ADGRG7: variants seen among roughly 807,000 people sequenced by gnomAD.
ADGRG7 encodes G-protein coupled receptor 128.
In ADGRG7, 82 loss-of-function variants were observed where a neutral mutation model predicts 88.6. That is an observed-to-expected ratio of 0.93 (90% CI 0.77 to 1.11). The LOEUF is 1.11. Ranked by LOEUF, ADGRG7 falls within the 50% of genes most tolerant of loss-of-function variation. ADGRG7 has a pLI of 0.00. For missense variants in ADGRG7, 945 were observed against 953.4 expected (o/e 0.99, Z 0.12); for synonymous variants, 381 against 345.2 (o/e 1.10, Z -1.15).
intron 9 of ADGRG7, 88 bp from the exon 10 acceptor site, chr3:100,646,481 C>T (rs1354281594): frequency 1.0e-6 from 1 of 1,001,336 alleles, no homozygotes; most frequent in Non-Finnish European, 1.5e-6. Context: ...TAATTCATTT[C>T]TCAGATGACT....
At chr3:100,613,936 G>A (rs1707192041) in intron 1 of ADGRG7, among the ~76,000 whole-genome samples, 1 of 152,130 alleles carries the variant, frequency 6.6e-6, no homozygotes. Flanking sequence ...CTAGCTTTGA[G>A]CAAATTATTA....
intron 14 of ADGRG7, among the ~76,000 whole-genome samples, chr3:100,662,727 G>A (rs2094947062): frequency 6.6e-6 from 1 of 151,966 alleles, no homozygotes; most frequent in Admixed American, 6.6e-5. Context: ...GAAAAAAGTT[G>A]CTGCCAAAAA....
intron 15 of ADGRG7, among the ~76,000 whole-genome samples, chr3:100,678,274 T>C (rs1461280754): frequency 6.6e-6 from 1 of 152,104 alleles, no homozygotes; most frequent in Admixed American, 6.5e-5. Context: ...TGCTTAATTC[T>C]TTTTAATTAT....
chr3:100,672,494 G>A (rs9837262), intron 15 of ADGRG7, among the ~76,000 whole-genome samples: 4,980 of 152,168 alleles, frequency 0.033, 275 homozygotes, highest in African/African-American at 0.11. Context: ...CAATCATGTC[G>A]TCTGCAAACA....
At chr3:100,693,711 G>T (rs983234993) in intron 15 of ADGRG7, among the ~76,000 whole-genome samples, 2 of 152,146 alleles carry the variant, frequency 1.3e-5, no homozygotes, top group African/African-American at 4.8e-5. Flanking sequence ...TGGAAAAATA[G>T]TATAGCTCCC....
intron 6 of ADGRG7, among the ~76,000 whole-genome samples, chr3:100,641,340 T>G (rs1435833281): frequency 6.6e-6 from 1 of 151,410 alleles, no homozygotes; most frequent in African/African-American, 2.4e-5. Context: ...ATGGTTATAG[T>G]AATCTGATTA....
chr3:100,668,411 C>A (rs2149034597), intron 14 of ADGRG7, among the ~76,000 whole-genome samples: 1 of 152,278 alleles, frequency 6.6e-6, no homozygotes, highest in South Asian at 2.1e-4. Flanking sequence ...TGAGGGAAGG[C>A]AAATTAATAA....
chr3:100,673,271 G>A (rs13320064), intron 15 of ADGRG7, among the ~76,000 whole-genome samples: 4,963 of 152,004 alleles, frequency 0.033, 271 homozygotes, highest in African/African-American at 0.11. Flanking sequence ...TCAGGGATTC[G>A]ACTTCCTCCT....
intron 1 of ADGRG7, among the ~76,000 whole-genome samples, chr3:100,621,168 C>T (rs746564023): frequency 6.6e-6 from 1 of 152,008 alleles, no homozygotes; most frequent in Non-Finnish European, 1.5e-5. Context: ...CTCTCTATTC[C>T]CCGAGACACA....
At chr3:100,646,217 C>T (rs1454618918) in intron 9 of ADGRG7, 109 bp downstream of exon 9, 10 of 59,016 alleles carry the variant, frequency 1.7e-4, no homozygotes, top group African/African-American at 3.9e-4. Context: ...AATAGGAGGG[C>T]GGGGGGGAGG....
Position 100,620,341 on chromosome 3 carries a change from T to G in ADGRG7, c.116-9257T>G, listed in dbSNP as rs547206157. 7.4e-4 allele frequency among the ~76,000 whole-genome samples: 112 copies of G among 152,318 alleles called. No individual in the cohort carries two copies. In the Middle Eastern group the frequency reaches 0.02, roughly 28 times the overall value. On this transcript the variant is annotated intron_variant, in intron 1 of 15. Transcript: ENST00000273352. ...TATCTCAATAGATGCAGAAAAGGCCTTTGACAAAATTCAACAGCCCTTCAT... is the reference window on the plus strand; with the variant it reads ...TATCTCAATAGATGCAGAAAAGGCCGTTGACAAAATTCAACAGCCCTTCAT...
rs56088926 is a variant in ADGRG7 at position 100,639,010 on chromosome 3, CTG to C, written c.698+1654_698+1655del. On this transcript the variant is annotated intron_variant, in intron 6 of 15. Transcript: ENST00000273352. The stretch of plus-strand genomic sequence containing the variant: ...ATTCCAGGTTTTTTTCCCTCTGTTT[CTG>C]TGTGTGTGTGTGTGTGTGTGTGTGT... 4.6e-3 allele frequency among the ~76,000 whole-genome samples: 681 copies of C among 147,106 alleles called. 5 individuals are homozygous for C. The highest frequency in any genetic ancestry group is 0.016 in the African/African-American group (632 of 39,182).
chr3:100,643,561 A>G lies in ADGRG7; in HGVS notation c.874A>G (p.Ile292Val), dbSNP rs1194076848. The change falls in exon 8 of 16, where the codon ATA (isoleucine) becomes GTA (valine). Residue 292 changes from isoleucine (I) to valine (V), a missense_variant. Transcript: ENST00000273352. Reference sequence around the variant, plus strand: ...TTCTCTAGTTTCTAGTTCAACATTTATACATACAAATGTGGATGGCCTTAA... The same window carrying G: ...TTCTCTAGTTTCTAGTTCAACATTTGTACATACAAATGTGGATGGCCTTAA... ...SSSLVSSSTF[I>V]HTNVDGLNPD... 3.1e-6 allele frequency: 5 copies of G among 1,613,734 alleles called. No individual in the cohort carries two copies. In the South Asian group the frequency reaches 4.4e-5, roughly 14 times the overall value.
At chr3:100,633,144 A>G in intron 3 of ADGRG7, 121 bp from the exon 4 acceptor site, 1 of 452,922 alleles carries the variant, frequency 2.2e-6, no homozygotes, top group Admixed American at 4.4e-5. Context: ...CTGCCTAAAA[A>G]TAATAGGCAA....
At chr3:100,650,737 G>A (rs1181242417) in intron 11 of ADGRG7, among the ~76,000 whole-genome samples, 5 of 152,102 alleles carry the variant, frequency 3.3e-5, no homozygotes, top group Non-Finnish European at 5.9e-5. Context: ...GTAAATAATA[G>A]ATGACTCGTG....
intron 15 of ADGRG7, among the ~76,000 whole-genome samples, chr3:100,672,305 T>C (rs2094959823): frequency 6.6e-6 from 1 of 152,212 alleles, no homozygotes; most frequent in Admixed American, 6.5e-5. Context: ...GATATTTTAT[T>C]CTCTTTGTAC....
At chr3:100,647,551 C>A (rs1707775869) in intron 10 of ADGRG7, among the ~76,000 whole-genome samples, 1 of 152,140 alleles carries the variant, frequency 6.6e-6, no homozygotes, top group South Asian at 2.1e-4. Flanking sequence ...TTCCTTAATT[C>A]TTTTACCTCT....
chr3:100,694,738 C>G lies in ADGRG7; in HGVS notation c.2137-6C>G. ...ACCCAACATTAAACTTTTGTTCTAT[C>G]TGCAGGGATTGCAAATTTTTATCCT... On this transcript the variant is annotated splice_region_variant and splice_polypyrimidine_tract_variant and intron_variant, in intron 15 of 15. Transcript: ENST00000273352. 4.3e-6 allele frequency: 7 copies of G among 1,612,656 alleles called. No homozygotes were observed. Among genetic ancestry groups the G allele is most frequent in the Non-Finnish European group, 5.9e-6 (7 of 1,178,966 alleles).
chr3:100,643,719 G>A (rs1190820173), intron 8 of ADGRG7, 86 bp downstream of exon 8: 3 of 862,008 alleles, frequency 3.5e-6, no homozygotes, highest in South Asian at 1.6e-5. Context: ...GAGAAATAAT[G>A]TCTACTTAGT....
Sources: gnomAD v4.1 joint callset for allele counts (sites outside exome capture counted in the v4.1 genomes callset) on GRCh38, gnomAD v4.1.1 for gene constraint, MANE v1.5 for transcripts, NCBI Gene and HGNC (gene_info 2026-07-23, HGNC 2026-07-21) for gene names.